The following ANKS1B variants were observed in gnomAD, a reference collection of about 807,000 sequenced individuals.
ANKS1B encodes the protein ankyrin repeat and sterile alpha motif domain-containing protein 1B.
In ANKS1B, 36 loss-of-function variants were observed where a neutral mutation model predicts 148.3. That is an observed-to-expected ratio of 0.24 (90% CI 0.19 to 0.32). The LOEUF is 0.32. Among genes scored for constraint, ANKS1B ranks in the 10% least tolerant of loss-of-function variants. The pLI, the probability that ANKS1B is intolerant of heterozygous loss-of-function variation, is 1.00. For missense variants in ANKS1B, 1,157 were observed against 1,542.6 expected (o/e 0.75, Z 4.19); for synonymous variants, 542 against 560.8 (o/e 0.97, Z 0.47).
At chr12:99,154,522 C>T in intron 14 of ANKS1B, 127 bp from the exon 15 acceptor site, 2 of 1,600,644 alleles carry the variant, frequency 1.2e-6, no homozygotes, top group Non-Finnish European at 1.7e-6. Context: ...TCAAAGGAGC[C>T]CGCCAGCTTG....
At chr12:99,534,531 C>T (rs370637934) in intron 9 of ANKS1B, among the ~76,000 whole-genome samples, 3 of 152,122 alleles carry the variant, frequency 2.0e-5, no homozygotes, top group African/African-American at 7.2e-5. Context: ...AATTAATATA[C>T]ATTCGAGGCT....
chr12:99,510,333 A>T (rs1047067478), intron 9 of ANKS1B, among the ~76,000 whole-genome samples: 1 of 152,004 alleles, frequency 6.6e-6, no homozygotes, highest in African/African-American at 2.4e-5. Flanking sequence ...GAGCAAAGTA[A>T]ATTGAAAACC....
At chr12:99,404,423 T>C (rs1567037057) in intron 11 of ANKS1B, among the ~76,000 whole-genome samples, 1 of 145,838 alleles carries the variant, frequency 6.9e-6, no homozygotes, top group East Asian at 1.9e-4. Flanking sequence ...TTCAGAATCC[T>C]ATCAGATAAA....
At chr12:99,526,560 CA>C (rs1476831229) in intron 9 of ANKS1B, among the ~76,000 whole-genome samples, 1 of 152,166 alleles carries the variant, frequency 6.6e-6, no homozygotes, top group Non-Finnish European at 1.5e-5. Context: ...TCACCAATAT[CA>C]ATCGTCTGAG....
intron 17 of ANKS1B, among the ~76,000 whole-genome samples, chr12:99,003,246 C>A (rs1451933626): frequency 6.6e-6 from 1 of 152,152 alleles, no homozygotes; most frequent in Non-Finnish European, 1.5e-5. Flanking sequence ...CTCTGTAATG[C>A]ATTTTGAAAT....
chr12:99,131,022 C>T (rs557216243), intron 15 of ANKS1B, among the ~76,000 whole-genome samples: 50 of 152,300 alleles, frequency 3.3e-4, no homozygotes, highest in Admixed American at 6.5e-5. Flanking sequence ...TGAAATACAT[C>T]TGTGCTGGAA....
intron 1 of ANKS1B, among the ~76,000 whole-genome samples, chr12:99,867,550 G>A (rs1336367655): frequency 6.6e-6 from 1 of 152,056 alleles, no homozygotes; most frequent in Non-Finnish European, 1.5e-5. Flanking sequence ...TGAGAGCCAA[G>A]CAAAAAGAGT....
At chr12:98,771,007 C>A (rs980013592) in intron 25 of ANKS1B, among the ~76,000 whole-genome samples, 1 of 152,174 alleles carries the variant, frequency 6.6e-6, no homozygotes, top group Non-Finnish European at 1.5e-5. Flanking sequence ...TATCCTCAAG[C>A]AATTTGTACC....
At chr12:98,991,273 G>C (rs2099926439) in intron 17 of ANKS1B, among the ~76,000 whole-genome samples, 1 of 152,124 alleles carries the variant, frequency 6.6e-6, no homozygotes, top group African/African-American at 2.4e-5. Flanking sequence ...GCCATATTTG[G>C]TATACATTTA....
intron 17 of ANKS1B, among the ~76,000 whole-genome samples, chr12:98,928,721 T>C (rs1392865151): frequency 6.6e-6 from 1 of 152,004 alleles, no homozygotes. Flanking sequence ...AGGAATCTCC[T>C]TTAACACAGC....
chr12:99,447,432 G>C (rs954410863), intron 10 of ANKS1B, among the ~76,000 whole-genome samples: 1 of 151,928 alleles, frequency 6.6e-6, no homozygotes, highest in Non-Finnish European at 1.5e-5. Context: ...GAAACATAGG[G>C]AGACCACTCT....
intron 12 of ANKS1B, among the ~76,000 whole-genome samples, chr12:99,334,543 T>C (rs1203143413): frequency 5.9e-5 from 9 of 152,036 alleles, no homozygotes; most frequent in Admixed American, 4.6e-4. Flanking sequence ...AAATATACCA[T>C]ACACAAATTC....
chr12:99,511,994 T>C (rs776155140), intron 9 of ANKS1B, among the ~76,000 whole-genome samples: 12 of 152,072 alleles, frequency 7.9e-5, no homozygotes, highest in Non-Finnish European at 1.5e-4. Flanking sequence ...ATTCAGGACA[T>C]AGGCATGGGC....
intron 15 of ANKS1B, among the ~76,000 whole-genome samples, chr12:99,146,235 C>T (rs891819831): frequency 5.9e-5 from 9 of 152,074 alleles, no homozygotes; most frequent in African/African-American, 2.2e-4. Flanking sequence ...AAGGAATTTA[C>T]TTTCTGTTAG....
intron 16 of ANKS1B, among the ~76,000 whole-genome samples, chr12:99,077,802 C>T (rs2048343413): frequency 6.6e-6 from 1 of 152,158 alleles, no homozygotes; most frequent in South Asian, 2.1e-4. Context: ...CTTTCAAGGT[C>T]CTTAAAATTC....
intron 1 of ANKS1B, among the ~76,000 whole-genome samples, chr12:99,926,608 T>C (rs2094482761): frequency 6.6e-6 from 1 of 152,198 alleles, no homozygotes; most frequent in Admixed American, 6.5e-5. Flanking sequence ...CTTGCAGATC[T>C]TGCATCCTGC....
At chr12:98,779,466 T>C (rs970375275) in intron 24 of ANKS1B, among the ~76,000 whole-genome samples, 9 of 152,182 alleles carry the variant, frequency 5.9e-5, no homozygotes, top group African/African-American at 2.2e-4. Context: ...ATACCACTTG[T>C]TTAGAAATTG....
intron 12 of ANKS1B, among the ~76,000 whole-genome samples, chr12:99,353,220 T>A (rs2091630160): frequency 6.6e-6 from 1 of 152,070 alleles, no homozygotes; most frequent in African/African-American, 2.4e-5. Context: ...TCACTCCATT[T>A]TATCTGTGAG....
intron 8 of ANKS1B, among the ~76,000 whole-genome samples, chr12:99,661,118 T>C (rs2098475505): frequency 6.6e-6 from 1 of 152,120 alleles, no homozygotes; most frequent in African/African-American, 2.4e-5. Flanking sequence ...ACTGGGGGTC[T>C]GAAGGAACTC....
Sources: allele counts gnomAD v4.1 joint callset (sites outside exome capture counted in the v4.1 genomes callset), GRCh38; gene constraint gnomAD v4.1.1; transcripts MANE v1.5; gene names NCBI Gene and HGNC (gene_info 2026-07-23, HGNC 2026-07-21).